DNAH3: variants seen among roughly 807,000 people sequenced by gnomAD.
DNAH3 encodes the protein dynein axonemal heavy chain 3.
DNAH3 carries 332 observed loss-of-function variants against 432.5 expected under a neutral mutation model. The observed-to-expected ratio is 0.77, with a 90% CI of 0.70 to 0.84. The LOEUF (loss-of-function observed/expected upper bound fraction) is 0.84, where lower values mean the gene tolerates loss of function less well. DNAH3 is among the 40% of genes least tolerant of loss of function. The probability of loss-of-function intolerance (pLI) is 0.00; values close to 1 mark genes in which losing one functional copy is unlikely to be tolerated. For missense variants in DNAH3, 4,861 were observed against 5,114.0 expected (o/e 0.95, Z 1.51); for synonymous variants, 1,956 against 1,900.2 (o/e 1.03, Z -0.76).
chr16:21,112,210 C>T (rs2092093057), intron 12 of DNAH3, 112 bp from the exon 13 acceptor site: 1 of 718,882 alleles, frequency 1.4e-6, no homozygotes, highest in Admixed American at 2.7e-5. Context: ...TAGCCCAAGC[C>T]AGGAAAGAGA....
intron 35 of DNAH3, 49 bp from the exon 36 acceptor site, chr16:21,034,134 C>T: frequency 7.9e-7 from 1 of 1,269,702 alleles, no homozygotes; most frequent in East Asian, 2.3e-5. Context: ...GCAACGCTCC[C>T]CCATTGTGAG....
At chr16:21,003,120 A>T (rs1342483862) in exon 42 of DNAH3, 2 of 1,610,806 alleles carry the variant, frequency 1.2e-6, no homozygotes, top group South Asian at 1.1e-5. Flanking sequence ...ACCAGCTGGA[A>T]CTTTTTCCTC....
intron 23 of DNAH3, among the ~76,000 whole-genome samples, chr16:21,068,473 CCA>C (rs1474347764): frequency 6.6e-6 from 1 of 152,080 alleles, no homozygotes. Flanking sequence ...ACCACCATAC[CCA>C]GTTAATTTTT....
At chr16:20,988,054 G>A (rs369563636) in exon 45 of DNAH3, 12 of 1,614,040 alleles carry the variant, frequency 7.4e-6, no homozygotes, top group African/African-American at 5.3e-5. Context: ...TTCAGATGGC[G>A]AGTGAATCGT....
intron 19 of DNAH3, among the ~76,000 whole-genome samples, chr16:21,085,204 C>G (rs372269816): frequency 1.4e-5 from 2 of 146,622 alleles, no homozygotes; most frequent in East Asian, 3.9e-4. Flanking sequence ...CATAGTAAGA[C>G]CCCCCCCATC....
At chr16:20,959,656 C>CA (rs1491362775) in intron 53 of DNAH3, among the ~76,000 whole-genome samples, 4 of 145,692 alleles carry the variant, frequency 2.7e-5, no homozygotes, top group African/African-American at 7.7e-5. Flanking sequence ...CACACACACA[C>CA]CCCAACACAA....
intron 19 of DNAH3, among the ~76,000 whole-genome samples, chr16:21,083,022 C>CTT (rs112090022): frequency 0.15 from 20,636 of 140,140 alleles, 1,799 homozygotes; most frequent in African/African-American, 0.2. Context: ...TTTTTCCATA[C>CTT]TTTTTTTTTT....
At chr16:21,119,945 C>G (rs777475655) in intron 11 of DNAH3, among the ~76,000 whole-genome samples, 1 of 152,118 alleles carries the variant, frequency 6.6e-6, no homozygotes, top group Non-Finnish European at 1.5e-5. Context: ...CCATCTTGGC[C>G]TACCAAAGTG....
intron 50 of DNAH3, 32 bp downstream of exon 50, chr16:20,979,298 C>G: frequency 6.2e-7 from 1 of 1,609,870 alleles, no homozygotes; most frequent in Non-Finnish European, 8.5e-7. Context: ...TCCCGGGCCT[C>G]TTTGTCTCTG....
chr16:21,056,573 A>G (rs2090144865), intron 27 of DNAH3, among the ~76,000 whole-genome samples: 1 of 152,162 alleles, frequency 6.6e-6, no homozygotes. Context: ...TTCACATCTA[A>G]TTACCTTCGT....
At chr16:21,033,912 T>C (rs2089023889) in intron 36 of DNAH3, 62 bp downstream of exon 36, 5 of 1,213,668 alleles carry the variant, frequency 4.1e-6, no homozygotes, top group African/African-American at 1.5e-5. Flanking sequence ...ATTATCTCCA[T>C]GGAGCCAGCC....
At chr16:20,966,342 C>A (rs1003281856) in intron 52 of DNAH3, among the ~76,000 whole-genome samples, 1 of 151,848 alleles carries the variant, frequency 6.6e-6, no homozygotes, top group African/African-American at 2.4e-5. Context: ...CCCAGCTGTG[C>A]CCAGCCAATC....
chr16:21,091,440 T>C (rs2091532317), intron 18 of DNAH3, among the ~76,000 whole-genome samples: 1 of 151,974 alleles, frequency 6.6e-6, no homozygotes, highest in African/African-American at 2.4e-5. Context: ...TAATAAGTGA[T>C]TGCAGCAGGA....
intron 18 of DNAH3, among the ~76,000 whole-genome samples, chr16:21,092,991 T>G (rs565555770): frequency 1.1e-4 from 16 of 152,270 alleles, no homozygotes; most frequent in African/African-American, 3.9e-4. Flanking sequence ...GGAGGATTGC[T>G]TGAGCCCAGG....
chr16:20,988,161 G>C, intron 44 of DNAH3, 96 bp from the exon 45 acceptor site: 1 of 1,519,048 alleles, frequency 6.6e-7, no homozygotes, highest in Admixed American at 1.8e-5. Flanking sequence ...TTTGCCTTCT[G>C]CCTTCATGTT....
chr16:21,049,812 G>A, intron 30 of DNAH3, 98 bp downstream of exon 30: 7 of 1,345,612 alleles, frequency 5.2e-6, no homozygotes, highest in Non-Finnish European at 7.4e-6. Flanking sequence ...CATGCTGCCT[G>A]TTAATGCTAA....
At chr16:20,981,895 C>G (rs999778933) in intron 49 of DNAH3, among the ~76,000 whole-genome samples, 1 of 150,528 alleles carries the variant, frequency 6.6e-6, no homozygotes, top group Non-Finnish European at 1.5e-5. Context: ...TTACTCTAGC[C>G]AAATAAAATG....
chr16:21,033,931 G>T, intron 36 of DNAH3, 43 bp downstream of exon 36: 2 of 1,423,016 alleles, frequency 1.4e-6, no homozygotes, highest in Non-Finnish European at 2.0e-6. Context: ...CCAACTGAGC[G>T]AGGAGTTCTG....
At chr16:21,104,875 G>A (rs924377573) in intron 15 of DNAH3, among the ~76,000 whole-genome samples, 7 of 152,206 alleles carry the variant, frequency 4.6e-5, no homozygotes, top group Non-Finnish European at 7.3e-5. Flanking sequence ...TCAAATCCAG[G>A]TCTAATTCCA....
Sources: allele counts gnomAD v4.1 joint callset (sites outside exome capture counted in the v4.1 genomes callset), GRCh38; gene constraint gnomAD v4.1.1; transcripts MANE v1.5; gene names NCBI Gene and HGNC (gene_info 2026-07-23, HGNC 2026-07-21).